Variants in COL24A1 observed in about 807,000 individuals in gnomAD.
The protein encoded by COL24A1 is collagen type XXIV alpha 1 chain, also known as collagen alpha-1(XXIV) chain.
A neutral mutation model predicts 253.9 loss-of-function variants in COL24A1; 224 were observed. That is an observed-to-expected ratio of 0.88 (90% CI 0.79 to 0.99). The LOEUF (loss-of-function observed/expected upper bound fraction) is 0.99, where lower values mean the gene tolerates loss of function less well. COL24A1 is among the 50% of genes least tolerant of loss of function. COL24A1 has a pLI of 0.00. For missense variants in COL24A1, 2,131 were observed against 2,068.5 expected, an observed-to-expected ratio of 1.03 and a Z score of -0.59; for synonymous variants, 685 against 673.7, an observed-to-expected ratio of 1.02 and a Z score of -0.26.
chr1:85,940,802 A>T (rs1324032409), intron 24 of COL24A1, among the ~76,000 whole-genome samples: 1 of 152,212 alleles, frequency 6.6e-6, no homozygotes. Flanking sequence ...TCTGGCAGTG[A>T]TCAAGAGAAT....
chr1:85,971,644 C>T (rs957974909), intron 20 of COL24A1, among the ~76,000 whole-genome samples: 1 of 152,184 alleles, frequency 6.6e-6, no homozygotes, highest in African/African-American at 2.4e-5. Flanking sequence ...AACCTCCAGA[C>T]ACCTTTTCAG....
At chr1:85,937,172 G>A (rs1034444246) in intron 24 of COL24A1, among the ~76,000 whole-genome samples, 8 of 147,688 alleles carry the variant, frequency 5.4e-5, no homozygotes, top group African/African-American at 1.5e-4. Flanking sequence ...TCTTACGTAG[G>A]TGCAAACTGA....
intron 10 of COL24A1, among the ~76,000 whole-genome samples, chr1:86,057,328 C>T (rs994230801): frequency 1.3e-5 from 2 of 152,222 alleles, no homozygotes; most frequent in African/African-American, 4.8e-5. Context: ...GCATGGACTG[C>T]ACAACTATGA....
intron 26 of COL24A1, 55 bp from the exon 27 acceptor site, chr1:85,908,706 T>C: frequency 1.3e-6 from 1 of 752,384 alleles, no homozygotes; most frequent in Admixed American, 3.5e-5. Flanking sequence ...TTAAATTATT[T>C]TCATTGAAGA....
At chr1:86,050,414 T>C (rs1425776716) in intron 10 of COL24A1, among the ~76,000 whole-genome samples, 1 of 152,132 alleles carries the variant, frequency 6.6e-6, no homozygotes, top group East Asian at 1.9e-4. Context: ...TAAGCCCAAA[T>C]AATTTCCTTC....
intron 7 of COL24A1, among the ~76,000 whole-genome samples, chr1:86,088,485 G>T (rs1315020952): frequency 6.6e-6 from 1 of 151,910 alleles, no homozygotes; most frequent in African/African-American, 2.4e-5. Context: ...AAGCTGACCA[G>T]GTAGAAAAGA....
chr1:85,822,803 T>C (rs1244470651), intron 45 of COL24A1, among the ~76,000 whole-genome samples: 1 of 152,180 alleles, frequency 6.6e-6, no homozygotes, highest in Admixed American at 6.6e-5. Context: ...CTGATCACCC[T>C]TGATATTTGA....
intron 43 of COL24A1, among the ~76,000 whole-genome samples, chr1:85,827,856 T>C (rs1570788164): frequency 6.6e-6 from 1 of 152,110 alleles, no homozygotes; most frequent in African/African-American, 2.4e-5. Context: ...ATTTTGTTGA[T>C]CCTTTCAAAA....
At chr1:85,964,860 T>C in intron 23 of COL24A1, 149 bp downstream of exon 23, 2 of 612,462 alleles carry the variant, frequency 3.3e-6, no homozygotes, top group Admixed American at 6.2e-5. Context: ...GATATAAAGA[T>C]ATAGATTCTC....
chr1:86,104,022 T>A (rs1261011439), intron 5 of COL24A1, among the ~76,000 whole-genome samples: 1 of 152,204 alleles, frequency 6.6e-6, no homozygotes, highest in African/African-American at 2.4e-5. Flanking sequence ...GCAATACCAA[T>A]GAGTCATAGA....
chr1:86,005,281 T>C (rs953063272), intron 19 of COL24A1, among the ~76,000 whole-genome samples: 2 of 151,756 alleles, frequency 1.3e-5, no homozygotes, highest in African/African-American at 2.4e-5. Flanking sequence ...ATAATAAGAA[T>C]ATACCATCTT....
chr1:86,054,905 CA>C (rs1365752048), intron 10 of COL24A1, among the ~76,000 whole-genome samples: 2 of 152,224 alleles, frequency 1.3e-5, no homozygotes, highest in Admixed American at 6.5e-5. Flanking sequence ...TGCTCATCAA[CA>C]GTGGACTGCA....
At chr1:85,746,749 C>G (rs1287785713) in intron 55 of COL24A1, among the ~76,000 whole-genome samples, 1 of 152,152 alleles carries the variant, frequency 6.6e-6, no homozygotes, top group Non-Finnish European at 1.5e-5. Flanking sequence ...CAACCTGGCA[C>G]AAAGGCCATG....
chr1:86,020,086 G>C (rs1402844588), intron 18 of COL24A1, among the ~76,000 whole-genome samples: 2 of 19,650 alleles, frequency 1.0e-4, no homozygotes, highest in Non-Finnish European at 2.9e-4. Flanking sequence ...TTTTTTTTTT[G>C]AGATGGAGTC....
Position 85,799,379 on chromosome 1 carries a change from TAAAAAAAAAAAAA to T in COL24A1, c.3952-12931_3952-12919del, listed in dbSNP as rs66952563. 7.1e-5 allele frequency among the ~76,000 whole-genome samples: 8 copies of T among 112,312 alleles called. No individual in the cohort carries two copies. The East Asian group carries it at 2.2e-3, about 30-fold the overall frequency. The allele number at this position is 112,312 out of a possible 152,430, so 73.7% of individuals were successfully genotyped here. On this transcript the variant is annotated intron_variant, in intron 47 of 59. Coordinates refer to ENST00000370571, the MANE Select transcript of COL24A1 (RefSeq NM_152890.7). ...CCAAGGAACACCATGGTGCCATGACTAAAAAAAAAAAAAAAAAAAAAAAAAAACCAATGGAAAG... is the reference window on the plus strand; with the variant it reads ...CCAAGGAACACCATGGTGCCATGACTAAAAAAAAAAAAAACCAATGGAAAG...
chr1:85,743,471 A>C (rs2100917678), intron 57 of COL24A1, among the ~76,000 whole-genome samples: 1 of 152,208 alleles, frequency 6.6e-6, no homozygotes, highest in East Asian at 1.9e-4. Flanking sequence ...CTTGTGCTCC[A>C]CTTCCTATCA....
At chr1:85,813,291 TAAA>T (rs1289859290) in intron 47 of COL24A1, among the ~76,000 whole-genome samples, 1 of 151,630 alleles carries the variant, frequency 6.6e-6, no homozygotes, top group Non-Finnish European at 1.5e-5. Flanking sequence ...AGAGTGGGGA[TAAA>T]AAGAAGTCAG....
chr1:86,130,101 C>T (rs1557749093), intron 2 of COL24A1, among the ~76,000 whole-genome samples: 1 of 151,792 alleles, frequency 6.6e-6, no homozygotes, highest in Non-Finnish European at 1.5e-5. Flanking sequence ...TTCAGAATTA[C>T]AAAAAGACCT....
At chr1:85,796,518 A>T (rs1670820812) in intron 47 of COL24A1, among the ~76,000 whole-genome samples, 1 of 152,170 alleles carries the variant, frequency 6.6e-6, no homozygotes, top group Admixed American at 6.5e-5. Context: ...TATTCAAAAA[A>T]TTACAAATAA....
Sources: gnomAD v4.1 joint callset for allele counts (sites outside exome capture counted in the v4.1 genomes callset) on GRCh38, gnomAD v4.1.1 for gene constraint, MANE v1.5 for transcripts, NCBI Gene and HGNC (gene_info 2026-07-23, HGNC 2026-07-21) for gene names.